The following GAA variants were observed in gnomAD, a reference collection of about 807,000 sequenced individuals.
The protein encoded by GAA is alpha glucosidase.
A neutral mutation model predicts 103.9 loss-of-function variants in GAA; 88 were observed. The ratio of observed to expected loss-of-function variants is 0.85; its 90% CI spans 0.71 to 1.01. The LOEUF (loss-of-function observed/expected upper bound fraction) is 1.01. Ranked by LOEUF, GAA falls within the 50% of genes least tolerant of loss-of-function variation. The probability of loss-of-function intolerance (pLI) is 0.00; values close to 1 mark genes in which losing one functional copy is unlikely to be tolerated. For missense variants in GAA, 1,350 were observed against 1,305.3 expected, an observed-to-expected ratio of 1.03 and a Z score of -0.53; for synonymous variants, 572 against 563.1, an observed-to-expected ratio of 1.02 and a Z score of -0.22.
intron 18 of GAA, 128 bp from the exon 19 acceptor site, chr17:80,118,525 C>A: frequency 1.4e-6 from 2 of 1,381,272 alleles, no homozygotes; most frequent in African/African-American, 1.4e-5. Flanking sequence ...TCTGCCCTTT[C>A]GTGTACACAG....
rs2039213824 is a variant in GAA, at chr17:80,110,749, T to TC, written c.1464dup (p.Asp489ArgfsTer17). On this transcript the variant is annotated frameshift_variant, in exon 10 of 20. Coordinates refer to ENST00000302262, the MANE Select transcript of GAA (RefSeq NM_000152.5). LOFTEE classifies it high-confidence loss of function. ...CAGGTATGGCCCGGGTCCACTGCCT[T>TC]CCCCGACTTCACCAACCCCACAGCC... 6.2e-7 allele frequency: 1 copy of TC among 1,614,006 alleles called. No individual in the cohort carries two copies. Among genetic ancestry groups the TC allele is most frequent in the Non-Finnish European group, 8.5e-7 (1 of 1,179,990 alleles).
At chr17:80,108,190 G>A in intron 5 of GAA, 100 bp from the exon 6 acceptor site, 1 of 1,597,826 alleles carries the variant, frequency 6.3e-7, no homozygotes, top group East Asian at 2.2e-5. Context: ...CTCGTGGGGA[G>A]AGAGCCTCAA....
In GAA at chr17:80,118,261, T is replaced by C. The variant is rs761608706; in HGVS notation, c.2550T>C (p.Gly850=). Residue 850 remains glycine, a synonymous_variant, in exon 18 of 20, where the codon GGT becomes GGC. Transcript: ENST00000302262. ...PMALAVALTK[G]GEARGELFWD... ...CCCTGGCTGTGGCCCTGACCAAGGG[T>C]GGGGAGGCCCGAGGGGAGCTGTTCT... 2.1e-5 allele frequency: 34 copies of C among 1,609,826 alleles called. No individual in the cohort carries two copies. The highest frequency in any genetic ancestry group is 2.8e-5 in the Non-Finnish European group (33 of 1,178,084).
chr17:80,108,957 C>T (rs1163605198), intron 8 of GAA, 129 bp downstream of exon 8: 5 of 1,254,322 alleles, frequency 4.0e-6, no homozygotes, highest in Non-Finnish European at 4.3e-6. Flanking sequence ...TTTGTGATAT[C>T]GAGGGAATAT....
At position 80,108,597 on chromosome 17, in the gene GAA, A is replaced by C; in HGVS notation, c.1184A>C (p.His395Pro). 6.2e-7 allele frequency: 1 copy of C among 1,612,744 alleles called. No homozygotes were observed. Among genetic ancestry groups the C allele is most frequent in the Non-Finnish European group, 8.5e-7 (1 of 1,179,878 alleles). Reference protein sequence around the residue: ...RQVVENMTRAHFPLDVQWNDL... With the variant: ...RQVVENMTRAPFPLDVQWNDL... ...GTGGTGGAGAACATGACCAGGGCCC[A>C]CTTCCCCCTGGTGAGTTGGGGTGGT... Residue 395 changes from histidine (H) to proline (P), a missense_variant, in exon 7 of 20, where the codon CAC (histidine) becomes CCC (proline). By Grantham distance (77) the His-to-Pro change is moderately conservative. Coordinates refer to ENST00000302262, the MANE Select transcript of GAA (RefSeq NM_000152.5).
chr17:80,107,443 G>T (rs2039112510), intron 3 of GAA, 114 bp from the exon 4 acceptor site: 1 of 1,391,450 alleles, frequency 7.2e-7, no homozygotes, highest in Non-Finnish European at 1.0e-6. Flanking sequence ...CTGCAGGGCT[G>T]GCCAGGCCAC....
chr17:80,106,290 G>A (rs1200933632), intron 3 of GAA, among the ~76,000 whole-genome samples: 1 of 124,874 alleles, frequency 8.0e-6, no homozygotes, highest in Non-Finnish European at 1.8e-5. Flanking sequence ...TGCTCCCGGG[G>A]ACAGACACAC....
chr17:80,110,838 A>C lies in GAA; in HGVS notation c.1549A>C (p.Ile517Leu), dbSNP rs749059386. 1 of 1,613,926 alleles carries C rather than the reference A, an allele frequency of 6.2e-7. No individual in the cohort carries two copies. Among genetic ancestry groups the C allele is most frequent in the Non-Finnish European group, 8.5e-7 (1 of 1,179,936 alleles). Residue 517 changes from isoleucine (I) to leucine (L), a missense_variant and splice_region_variant, in exon 10 of 20, where the codon ATT becomes CTT. By Grantham distance (5) the Ile-to-Leu change is conservative. Transcript: ENST00000302262. The stretch of plus-strand genomic sequence containing the variant: ...CCAGGTGCCCTTCGACGGCATGTGG[A>C]TTGTAAGTGTGGCCCCCTCCTGAGC... ...HDQVPFDGMW[I>L]DMNEPSNFIR... is the part of the protein sequence containing the mutation.
In GAA at chr17:80,119,679, T is replaced by C; in HGVS notation, c.*348T>C. The C allele has an allele frequency of 2.8e-6, 1 of 358,052 alleles. No homozygotes were observed. The highest frequency in any genetic ancestry group is 2.3e-5 in the South Asian group (1 of 44,388). The allele number at this position is 358,052 out of a possible 1,614,324, so 22.2% of individuals were successfully genotyped here. On this transcript the variant is annotated 3_prime_UTR_variant, in exon 20 of 20. Coordinates refer to ENST00000302262, the MANE Select transcript of GAA (RefSeq NM_000152.5). The stretch of plus-strand genomic sequence containing the variant: ...TTCCCAGCACCGGAGAAGGGGGTGC[T>C]CAGGTGGAGGTGTGGGGTATGCACC...
rs1419075860 is a variant in GAA, at chr17:80,101,603, G to C, written c.-320G>C. ...GCACGACCCCGGAGTCTCCGCGGGC[G>C]GCCAGGGCGCGCGTGCGCGGAGGTG... On this transcript the variant is annotated 5_prime_UTR_variant, in exon 1 of 20. Transcript: ENST00000302262. The C allele has an allele frequency of 6.6e-6, 1 of 150,702 alleles. No homozygotes were observed. The highest frequency in any genetic ancestry group is 1.5e-5 in the Non-Finnish European group (1 of 67,528). The allele number at this position is 150,702 out of a possible 1,614,324, so 9.3% of individuals were successfully genotyped here.
At position 80,118,648 on chromosome 17, in the gene GAA, C is replaced by T; in HGVS notation, c.2647-5C>T. On this transcript the variant is annotated splice_polypyrimidine_tract_variant and splice_region_variant and intron_variant, in intron 18 of 19. Coordinates refer to ENST00000302262, the MANE Select transcript of GAA (RefSeq NM_000152.5). ...TGCCTTTTCATCTCTCTCTGCTCGGCCCAGAACACGATCGTGAATGAGCTG... is the reference window on the plus strand; with the variant it reads ...TGCCTTTTCATCTCTCTCTGCTCGGTCCAGAACACGATCGTGAATGAGCTG... The T allele has an allele frequency of 6.2e-7, 1 of 1,611,956 alleles. No homozygotes were observed. Among genetic ancestry groups the T allele is most frequent in the Non-Finnish European group, 8.5e-7 (1 of 1,179,984 alleles).
chr17:80,103,181 C>G (rs1567824260), intron 1 of GAA, among the ~76,000 whole-genome samples: 1 of 152,188 alleles, frequency 6.6e-6, no homozygotes, highest in African/African-American at 2.4e-5. Flanking sequence ...GTGACCAGCT[C>G]CCAGTACCAG....
Position 80,105,810 on chromosome 17 carries a change from G to A in GAA, c.608G>A (p.Arg203Gln), listed in dbSNP as rs754446365. 1.5e-5 allele frequency: 24 copies of A among 1,610,826 alleles called. No homozygotes were observed. The highest frequency in any genetic ancestry group is 4.5e-5 in the East Asian group (2 of 44,896). The change falls in exon 3 of 20, where the codon CGG (arginine) becomes CAG (glutamine). Residue 203 changes from arginine (R) to glutamine (Q), a missense_variant. Arg to Gln is a conservative substitution (Grantham distance 43). Coordinates refer to ENST00000302262, the MANE Select transcript of GAA (RefSeq NM_000152.5). ...VPLETPHVHS[R>Q]APSPLYSVEF... ...TTGGAGACCCCGCATGTCCACAGCC[G>A]GGCACCGTCCCCACTCTACAGCGTG...
chr17:80,112,152 A>G (rs774193856), intron 12 of GAA, 52 bp downstream of exon 12: 22 of 1,544,068 alleles, frequency 1.4e-5, no homozygotes, highest in Non-Finnish European at 1.9e-5. Flanking sequence ...CCTGTCCTAC[A>G]AGGTTGGGGC....
At chr17:80,103,916 G>A (rs1296445906) in intron 1 of GAA, among the ~76,000 whole-genome samples, 2 of 152,158 alleles carry the variant, frequency 1.3e-5, no homozygotes, top group African/African-American at 4.8e-5. Flanking sequence ...AAGGACATAC[G>A]AGTTGCCAGA....
intron 1 of GAA, chr17:80,102,560 A>C (rs2038979275): frequency 6.6e-6 from 1 of 152,168 alleles, no homozygotes. Context: ...CCCCGTAAGA[A>C]ACCACAGGGA....
At position 80,109,935 on chromosome 17, in the gene GAA, C is replaced by T; in HGVS notation, c.1327-10C>T. The stretch of plus-strand genomic sequence containing the variant: ...GCCACCCTCACCTTGACAGGTTTCC[C>T]TCTTCCCAGGATCCTGCCATCAGCA... On this transcript the variant is annotated splice_polypyrimidine_tract_variant and intron_variant, in intron 8 of 19. Coordinates refer to ENST00000302262, the MANE Select transcript of GAA (RefSeq NM_000152.5). The T allele has an allele frequency of 3.7e-6, 6 of 1,611,056 alleles. No homozygotes were observed. The highest frequency in any genetic ancestry group is 5.1e-6 in the Non-Finnish European group (6 of 1,177,942).
rs1401872637 is a variant in GAA, at chr17:80,111,147, G to A, written c.1636+122G>A. On this transcript the variant is annotated intron_variant, in intron 11 of 19. Transcript: ENST00000302262. ...TGGGCCAGCGGGGAAAGGGGCGGGG[G>A]GGGGATCCCCAGGAGAAAGGCTCAG... is the stretch of plus-strand genomic sequence containing the variant. 5 of 941,954 alleles carry A rather than the reference G, an allele frequency of 5.3e-6. No homozygotes were observed. In the South Asian group the frequency reaches 7.2e-5, roughly 14 times the overall value. The allele number at this position is 941,954 out of a possible 1,614,324, so 58.3% of individuals were successfully genotyped here. A position where few individuals can be genotyped will look rare whatever the true frequency, so the allele number is the denominator to read the frequency against.
rs752921215 is a variant in GAA, at chr17:80,117,015, G to T, written c.2237G>T (p.Trp746Leu). 6.8e-5 allele frequency: 109 copies of T among 1,613,514 alleles called. No homozygotes were observed. The highest frequency in any genetic ancestry group is 7.7e-5 in the South Asian group (7 of 91,082). Reference sequence around the variant, plus strand: ...TGGACTGTGGACCACCAGCTCCTGTGGGGGGAGGCCCTGCTCATCACCCCA... The same window carrying T: ...TGGACTGTGGACCACCAGCTCCTGTTGGGGGAGGCCCTGCTCATCACCCCA... ...STWTVDHQLL[W>L]GEALLITPVL... The change falls in exon 16 of 20, where the codon TGG (tryptophan) becomes TTG (leucine). Residue 746 changes from tryptophan (W) to leucine (L), a missense_variant. Trp to Leu is a moderately conservative substitution (Grantham distance 61, BLOSUM62 -2). Coordinates refer to ENST00000302262, the MANE Select transcript of GAA (RefSeq NM_000152.5).
Sources: gnomAD v4.1 joint callset for allele counts (sites outside exome capture counted in the v4.1 genomes callset) on GRCh38, gnomAD v4.1.1 for gene constraint, MANE v1.5 for transcripts, NCBI Gene and HGNC (gene_info 2026-07-23, HGNC 2026-07-21) for gene names.